Variants in DHX9 observed in about 807,000 individuals in gnomAD.
DHX9 encodes DExH-box helicase 9, also known as ATP-dependent RNA helicase A.
In DHX9, 27 loss-of-function variants were observed where a neutral mutation model predicts 148.7. The observed-to-expected ratio is 0.18, with a 90% CI of 0.13 to 0.25. The LOEUF is 0.25. DHX9 is among the 10% of genes least tolerant of loss of function. DHX9 has a pLI of 1.00. For missense variants in DHX9, 796 were observed against 1,559.6 expected, an observed-to-expected ratio of 0.51 and a Z score of 8.25; for synonymous variants, 529 against 516.6, an observed-to-expected ratio of 1.02 and a Z score of -0.33.
intron 3 of DHX9, among the ~76,000 whole-genome samples, chr1:182,849,814 T>G (rs1389126344): frequency 6.6e-6 from 1 of 152,198 alleles, no homozygotes; most frequent in African/African-American, 2.4e-5. Context: ...TTTTTTTTAA[T>G]TGGATTCTTG....
At chr1:182,865,635 C>T (rs1211905499) in intron 12 of DHX9, among the ~76,000 whole-genome samples, 1 of 152,112 alleles carries the variant, frequency 6.6e-6, no homozygotes, top group East Asian at 1.9e-4. Flanking sequence ...AAATATGAGC[C>T]AGGTGATAGT....
intron 26 of DHX9, among the ~76,000 whole-genome samples, chr1:182,884,131 C>T (rs909265411): frequency 6.6e-6 from 1 of 151,974 alleles, no homozygotes. Context: ...AAAATTAGCC[C>T]CGTGTGGTAG....
chr1:182,841,290 C>CAA (rs111535009), intron 1 of DHX9, among the ~76,000 whole-genome samples: 39 of 139,264 alleles, frequency 2.8e-4, no homozygotes, highest in African/African-American at 8.6e-4. Context: ...GACTCCGTCT[C>CAA]AAAAAAAAAA....
chr1:182,842,887 T>C (rs1450523969), intron 2 of DHX9, among the ~76,000 whole-genome samples: 2 of 152,246 alleles, frequency 1.3e-5, no homozygotes, highest in Non-Finnish European at 2.9e-5. Context: ...AGAGCCTATA[T>C]CTTCCTCAGC....
rs752819481 is a variant in DHX9 at position 182,858,210 on chromosome 1, C to A, written c.780C>A (p.Ser260=). The A allele has an allele frequency of 2.5e-6, 4 of 1,614,050 alleles. No individual in the cohort carries two copies. The change falls in exon 8 of 28, where the codon TCC becomes TCA. Residue 260 remains serine (S), a synonymous_variant. Transcript: ENST00000367549. ...LYHLGVVEAY[S]GLTKKKEGET... is the part of the protein sequence containing the mutation. The stretch of plus-strand genomic sequence containing the variant: ...ATCTTGGAGTGGTTGAAGCTTACTC[C>A]GGACTTACAAAGAAGAAGGAAGGAG...
intron 14 of DHX9, among the ~76,000 whole-genome samples, chr1:182,870,540 G>T (rs553352118): frequency 6.6e-6 from 1 of 152,330 alleles, no homozygotes; most frequent in African/African-American, 2.4e-5. Context: ...TGTCAGATTA[G>T]TGAGAAAGGG....
intron 14 of DHX9, among the ~76,000 whole-genome samples, chr1:182,870,283 T>A (rs1648502614): frequency 6.6e-6 from 1 of 152,234 alleles, no homozygotes. Context: ...AAAATCCCAG[T>A]AAGGTTTTCC....
At chr1:182,879,954 C>A (rs962739994) in intron 21 of DHX9, among the ~76,000 whole-genome samples, 1 of 152,126 alleles carries the variant, frequency 6.6e-6, no homozygotes, top group Non-Finnish European at 1.5e-5. Flanking sequence ...AAACTCCCGA[C>A]CTCAAGTGAT....
intron 4 of DHX9, among the ~76,000 whole-genome samples, chr1:182,852,620 T>A (rs1247486530): frequency 6.6e-6 from 1 of 152,222 alleles, no homozygotes; most frequent in Non-Finnish European, 1.5e-5. Flanking sequence ...GAAAGAATCT[T>A]ATGAATTGCC....
At chr1:182,878,383 T>A (rs913258886) in intron 20 of DHX9, among the ~76,000 whole-genome samples, 2 of 152,218 alleles carry the variant, frequency 1.3e-5, no homozygotes, top group African/African-American at 4.8e-5. Context: ...GATTTTAATA[T>A]TATTTGTGCC....
rs1391551999 is a variant in DHX9 at position 182,887,753 on chromosome 1, T to C, written c.*319T>C. ...GAAAATAAAGTATTACACCGAATACTTGCCGTGTAGTTTGTTTGTTGACCT... is the reference window on the plus strand; with the variant it reads ...GAAAATAAAGTATTACACCGAATACCTGCCGTGTAGTTTGTTTGTTGACCT... On this transcript the variant is annotated 3_prime_UTR_variant, in exon 28 of 28. Coordinates refer to ENST00000367549, the MANE Select transcript of DHX9 (RefSeq NM_001357.5). The C allele has an allele frequency of 8.3e-6, 2 of 240,272 alleles. No homozygotes were observed. The highest frequency in any genetic ancestry group is 1.6e-5 in the Non-Finnish European group (2 of 121,604). 14.9% of individuals were successfully genotyped at this position (240,272 alleles called of 1,614,324 possible).
chr1:182,858,841 T>A lies in DHX9; in HGVS notation c.1009T>A (p.Ser337Thr). ...TGTGGTTCCTTGGTCACCTCCACAA[T>A]CCAACTGGAATCCTTGGACTAGTAG... ...VGVVPWSPPQ[S>T]NWNPWTSSNI... The change falls in exon 10 of 28, where the codon TCC (serine) becomes ACC (threonine). Residue 337 changes from serine (S) to threonine (T), a missense_variant. By Grantham distance (58) the Ser-to-Thr change is moderately conservative (BLOSUM62 1). Transcript: ENST00000367549. 4.3e-6 allele frequency: 7 copies of A among 1,614,194 alleles called. No homozygotes were observed. Among genetic ancestry groups the A allele is most frequent in the Non-Finnish European group, 5.9e-6 (7 of 1,180,034 alleles).
At chr1:182,884,507 A>T in intron 26 of DHX9, 106 bp from the exon 27 acceptor site, 1 of 1,015,360 alleles carries the variant, frequency 9.8e-7, no homozygotes, top group Non-Finnish European at 1.4e-6. Context: ...ATTAATGCTT[A>T]AGAAGTTAAA....
intron 21 of DHX9, among the ~76,000 whole-genome samples, chr1:182,879,969 T>C (rs4344282): frequency 0.096 from 14,592 of 152,118 alleles, 1,047 homozygotes; most frequent in African/African-American, 0.19. Flanking sequence ...AGTGATCCAC[T>C]CACCTCAGCC....
intron 3 of DHX9, among the ~76,000 whole-genome samples, chr1:182,844,724 G>C (rs935518378): frequency 1.3e-5 from 2 of 152,078 alleles, no homozygotes; most frequent in African/African-American, 4.8e-5. Flanking sequence ...AGTAGAGACG[G>C]GGTTTTACCA....
intron 7 of DHX9, among the ~76,000 whole-genome samples, chr1:182,857,696 T>C (rs1052581679): frequency 6.6e-6 from 1 of 152,236 alleles, no homozygotes; most frequent in East Asian, 1.9e-4. Context: ...ATTGACCGTT[T>C]ATAGAAAAAG....
intron 12 of DHX9, among the ~76,000 whole-genome samples, chr1:182,860,875 A>T (rs1668350265): frequency 6.6e-6 from 1 of 152,156 alleles, no homozygotes; most frequent in Admixed American, 6.5e-5. Flanking sequence ...CGTTGGCTCT[A>T]CCCTGTACTT....
At chr1:182,859,849 G>A in intron 11 of DHX9, 144 bp from the exon 12 acceptor site, 1 of 663,128 alleles carries the variant, frequency 1.5e-6, no homozygotes, top group Non-Finnish European at 2.5e-6. Context: ...CTCACCTCAT[G>A]ATCCTCAGCC....
At chr1:182,854,262 G>A (rs1254649506) in intron 6 of DHX9, 84 bp downstream of exon 6, 14 of 1,263,484 alleles carry the variant, frequency 1.1e-5, no homozygotes, top group South Asian at 3.5e-5. Context: ...ATTTTTGTAC[G>A]TTGTCTGGTT....
Sources: gnomAD v4.1 joint callset for allele counts (sites outside exome capture counted in the v4.1 genomes callset) on GRCh38, gnomAD v4.1.1 for gene constraint, MANE v1.5 for transcripts, NCBI Gene and HGNC (gene_info 2026-07-23, HGNC 2026-07-21) for gene names.